The following FBLN1 variants were observed in gnomAD, a reference collection of about 807,000 sequenced individuals.
The protein encoded by FBLN1 is fibulin-1.
Under a neutral mutation model 89.7 loss-of-function variants are expected in FBLN1, and 34 were observed. The observed-to-expected ratio is 0.38, with a 90% CI of 0.29 to 0.50. FBLN1 has a LOEUF of 0.50. Ranked by LOEUF, FBLN1 falls within the 20% of genes least tolerant of loss-of-function variation. FBLN1 has a pLI of 0.92. For missense variants in FBLN1, 777 were observed against 988.1 expected, an observed-to-expected ratio of 0.79 and a Z score of 2.86; for synonymous variants, 393 against 391.3, an observed-to-expected ratio of 1.00 and a Z score of -0.05.
intron 16 of FBLN1, among the ~76,000 whole-genome samples, chr22:45,598,372 C>T (rs1379881455): frequency 6.6e-6 from 1 of 152,210 alleles, no homozygotes; most frequent in Non-Finnish European, 1.5e-5. Context: ...CCCCACATCC[C>T]CACCCTCAAC....
chr22:45,508,497 G>A (rs1305720019), intron 1 of FBLN1, among the ~76,000 whole-genome samples: 6 of 152,050 alleles, frequency 3.9e-5, no homozygotes, highest in South Asian at 2.1e-4. Context: ...TCCTGACCTC[G>A]TGATCTGCTC....
intron 2 of FBLN1, among the ~76,000 whole-genome samples, chr22:45,524,635 C>T (rs897705471): frequency 3.3e-5 from 5 of 152,156 alleles, no homozygotes; most frequent in African/African-American, 1.2e-4. Flanking sequence ...AGGTTGGGCC[C>T]AGAGTCAGCC....
Position 45,525,605 on chromosome 22 carries a change from G to A in FBLN1, c.248G>A (p.Ser83Asn), listed in dbSNP as rs1480981309. 6.4e-6 allele frequency: 10 copies of A among 1,550,726 alleles called. No homozygotes were observed. Among genetic ancestry groups the A allele is most frequent in the Non-Finnish European group, 8.7e-6 (10 of 1,146,932 alleles). ...GAGCTGCACTGTGCCACGGGCATCA[G>A]CCTGGCCAACGAGCAGGACCGCTGT... ...LEELHCATGI[S>N]LANEQDRCAT... Residue 83 changes from serine (S) to asparagine (N), a missense_variant, in exon 3 of 17, where the codon AGC becomes AAC. Coordinates refer to ENST00000327858, the MANE Select transcript of FBLN1 (RefSeq NM_006486.3).
chr22:45,526,670 G>C (rs1237116064), intron 3 of FBLN1, among the ~76,000 whole-genome samples: 1 of 152,260 alleles, frequency 6.6e-6, no homozygotes, highest in Non-Finnish European at 1.5e-5. Context: ...GGGCTGTGGA[G>C]GGACTCCGTG....
At chr22:45,528,223 C>A (rs965137047) in intron 4 of FBLN1, among the ~76,000 whole-genome samples, 1 of 152,192 alleles carries the variant, frequency 6.6e-6, no homozygotes, top group Non-Finnish European at 1.5e-5. Flanking sequence ...GCTGGCAGAA[C>A]GCCGCCTTTC....
Position 45,578,916 on chromosome 22 carries a change from C to T in FBLN1, c.1972+1808C>T, listed in dbSNP as rs1482832733. Among the ~76,000 whole-genome samples, 1 of 152,230 alleles carries T rather than the reference C, an allele frequency of 6.6e-6. No homozygotes were observed. Among genetic ancestry groups the T allele is most frequent in the Non-Finnish European group, 1.5e-5 (1 of 68,032 alleles). ...CAGAGATGGATAAATGCCACATAGCCCCTGAGGACTTTGCATCTCAGCAGC... is the reference window on the plus strand; with the variant it reads ...CAGAGATGGATAAATGCCACATAGCTCCTGAGGACTTTGCATCTCAGCAGC... On this transcript the variant is annotated intron_variant, in intron 16 of 16. Transcript: ENST00000327858. The surrounding 1 kb of genome is among the most constrained non-coding windows in gnomAD (Gnocchi z 4.6).
intron 3 of FBLN1, among the ~76,000 whole-genome samples, chr22:45,527,614 A>G (rs2088346314): frequency 6.6e-6 from 1 of 152,116 alleles, no homozygotes; most frequent in South Asian, 2.1e-4. Flanking sequence ...GGTGGATGCC[A>G]GGCCCTTTAA....
At chr22:45,598,948 C>T (rs533083182) in intron 16 of FBLN1, among the ~76,000 whole-genome samples, 3 of 152,326 alleles carry the variant, frequency 2.0e-5, no homozygotes, top group African/African-American at 4.8e-5. Flanking sequence ...ACTCTCACTG[C>T]GTACAGAGTA....
At chr22:45,552,823 A>C (rs1026991506) in intron 14 of FBLN1, among the ~76,000 whole-genome samples, 3 of 152,180 alleles carry the variant, frequency 2.0e-5, no homozygotes, top group African/African-American at 7.2e-5. Context: ...AGGCTGTTAC[A>C]GTCCTGCCCA....
intron 1 of FBLN1, among the ~76,000 whole-genome samples, chr22:45,505,944 C>G (rs2088013856): frequency 6.6e-6 from 1 of 152,108 alleles, no homozygotes; most frequent in South Asian, 2.1e-4. Context: ...AATTTTTGTA[C>G]TTTTAGTAGA....
intron 2 of FBLN1, among the ~76,000 whole-genome samples, chr22:45,524,793 T>TA (rs2088298211): frequency 1.3e-5 from 2 of 151,944 alleles, no homozygotes; most frequent in Admixed American, 6.6e-5. Flanking sequence ...TTTCTTTTTT[T>TA]AAAAAAAGAG....
intron 1 of FBLN1, among the ~76,000 whole-genome samples, chr22:45,510,272 G>T (rs1054431124): frequency 4.6e-5 from 7 of 152,154 alleles, no homozygotes; most frequent in African/African-American, 1.4e-4. Flanking sequence ...GGCCGGCTTT[G>T]TAGAGGTCCC....
intron 16 of FBLN1, among the ~76,000 whole-genome samples, chr22:45,593,843 C>T (rs1261258484): frequency 7.2e-5 from 11 of 152,146 alleles, no homozygotes; most frequent in Non-Finnish European, 1.3e-4. Context: ...CTTCATCTTA[C>T]GACGTGTTCA....
intron 7 of FBLN1, 88 bp from the exon 8 acceptor site, chr22:45,535,112 G>GA: frequency 6.6e-7 from 1 of 1,512,236 alleles, no homozygotes; most frequent in Non-Finnish European, 9.2e-7. Context: ...ATGCGCATTA[G>GA]AAAAAAGCTT....
chr22:45,594,737 GA>G (rs1376688875), intron 16 of FBLN1, among the ~76,000 whole-genome samples: 1 of 151,654 alleles, frequency 6.6e-6, no homozygotes. Flanking sequence ...TGGATAGATG[GA>G]TGGGTGAGTG....
At chr22:45,525,195 GAA>G (rs974460700) in intron 2 of FBLN1, among the ~76,000 whole-genome samples, 4 of 142,536 alleles carry the variant, frequency 2.8e-5, no homozygotes, top group Non-Finnish European at 6.2e-5. Flanking sequence ...GAGAGAGAGA[GAA>G]AGAGAGAAAG....
At chr22:45,566,297 G>A (rs2147017501) in intron 14 of FBLN1, among the ~76,000 whole-genome samples, 1 of 152,242 alleles carries the variant, frequency 6.6e-6, no homozygotes, top group South Asian at 2.1e-4. Context: ...CCCACCAAGG[G>A]ACTCTTCTTT....
In FBLN1 at chr22:45,549,916, C is replaced by T. The variant is rs2088680067; in HGVS notation, c.1574-576C>T. ...AACACACAGGCAAGACGTATGATCC[C>T]TCGAAGGCTGTTTTTCTCATTGTTG... On this transcript the variant is annotated intron_variant, in intron 13 of 16. Transcript: ENST00000327858. The surrounding 1 kb of genome is among the most constrained non-coding windows in gnomAD (Gnocchi z 5.7). 1.3e-5 allele frequency among the ~76,000 whole-genome samples: 2 copies of T among 152,168 alleles called. No homozygotes were observed. The highest frequency in any genetic ancestry group is 4.1e-4 in the South Asian group (2 of 4,830).
At chr22:45,599,493 T>G (rs2089213004) in intron 16 of FBLN1, among the ~76,000 whole-genome samples, 1 of 152,032 alleles carries the variant, frequency 6.6e-6, no homozygotes, top group South Asian at 2.1e-4. Context: ...CCTCAGATGT[T>G]CTGGGGGAGA....
Sources: gnomAD v4.1 joint callset for allele counts (sites outside exome capture counted in the v4.1 genomes callset) on GRCh38, gnomAD v4.1.1 for gene constraint, Gnocchi (gnomAD v3.1) non-coding constraint, MANE v1.5 for transcripts, NCBI Gene and HGNC (gene_info 2026-07-23, HGNC 2026-07-21) for gene names.